The following WSCD1 variants were observed in gnomAD, a reference collection of about 807,000 sequenced individuals.
WSCD1 encodes the protein sialate:O-sulfotransferase 1.
Under a neutral mutation model 60.4 loss-of-function variants are expected in WSCD1, and 41 were observed. That is an observed-to-expected ratio of 0.68 (90% CI 0.53 to 0.88). WSCD1 has a LOEUF of 0.88. Among genes scored for constraint, WSCD1 ranks in the 40% least tolerant of loss-of-function variants. The pLI, the probability that WSCD1 is intolerant of heterozygous loss-of-function variation, is 0.00. For missense variants in WSCD1, 784 were observed against 796.2 expected (o/e 0.98, Z 0.18); for synonymous variants, 361 against 332.5 (o/e 1.09, Z -0.93).
chr17:6,084,072 C>T (rs1306806215), intron 2 of WSCD1, among the ~76,000 whole-genome samples: 3 of 151,788 alleles, frequency 2.0e-5, no homozygotes, highest in South Asian at 2.1e-4. Context: ...TGCCCTGGGC[C>T]GCTGGGGTGC....
chr17:6,099,210 T>C (rs1910639357), intron 5 of WSCD1, among the ~76,000 whole-genome samples: 1 of 152,048 alleles, frequency 6.6e-6, no homozygotes, highest in Admixed American at 6.5e-5. Context: ...ACCATCTCTT[T>C]TCTAACAGAA....
Position 6,122,189 on chromosome 17 carries a change from G to A in WSCD1, c.*1528G>A, listed in dbSNP as rs1207606035. The A allele has an allele frequency of 6.6e-6, 1 of 152,336 alleles. No individual in the cohort carries two copies. The highest frequency in any genetic ancestry group is 1.5e-5 in the Non-Finnish European group (1 of 68,130). The allele number at this position is 152,336 out of a possible 1,614,324, so 9.4% of individuals were successfully genotyped here. On this transcript the variant is annotated 3_prime_UTR_variant, in exon 9 of 9. Transcript: ENST00000317744. ...CTGACCCTCTGCTTCCTAGCCTGAT[G>A]ATGGGGAACCCAGAGCCACCCGCTA...
Position 6,095,240 on chromosome 17 carries a change from A to G in WSCD1, c.849+17A>G, listed in dbSNP as rs1344998913. 6.2e-7 allele frequency: 1 copy of G among 1,610,950 alleles called. No individual in the cohort carries two copies. The highest frequency in any genetic ancestry group is 1.3e-5 in the African/African-American group (1 of 74,828). ...TCCCAGAAAGTAAGACCAAGTGATCATTTCACAACCCTTTCCTTTAAGTGT... is the reference window on the plus strand; with the variant it reads ...TCCCAGAAAGTAAGACCAAGTGATCGTTTCACAACCCTTTCCTTTAAGTGT... On this transcript the variant is annotated intron_variant, in intron 5 of 8. Coordinates refer to ENST00000317744, the MANE Select transcript of WSCD1 (RefSeq NM_015253.2).
intron 8 of WSCD1, among the ~76,000 whole-genome samples, chr17:6,120,049 G>A (rs544807333): frequency 1.3e-5 from 2 of 152,184 alleles, no homozygotes; most frequent in Admixed American, 1.3e-4. Flanking sequence ...CGCTGACTTA[G>A]CTTTATAGGA....
At chr17:6,109,917 A>G in intron 6 of WSCD1, 151 bp downstream of exon 6, 1 of 1,106,606 alleles carries the variant, frequency 9.0e-7, no homozygotes, top group Non-Finnish European at 1.3e-6. Context: ...TGGGTGTTGG[A>G]GATAATGGGG....
At chr17:6,069,388 T>TGC (rs1555525600), upstream of WSCD1, 5 of 378,090 alleles carry the variant, frequency 1.3e-5, no homozygotes, top group African/African-American at 1.2e-4. Context: ...TCCACCTCGG[T>TGC]GCGTGTGTGT....
At chr17:6,093,744 A>G (rs1316751661) in intron 4 of WSCD1, among the ~76,000 whole-genome samples, 1 of 152,204 alleles carries the variant, frequency 6.6e-6, no homozygotes, top group East Asian at 1.9e-4. Flanking sequence ...ATTGTTCCTC[A>G]TGACAACCCT....
intron 8 of WSCD1, among the ~76,000 whole-genome samples, chr17:6,119,616 G>A (rs576555225): frequency 3.3e-5 from 5 of 152,098 alleles, no homozygotes; most frequent in South Asian, 2.1e-4. Flanking sequence ...GACAGCCCCC[G>A]ACAGTCAGGC....
At chr17:6,092,903 G>A (rs1304114782) in intron 4 of WSCD1, among the ~76,000 whole-genome samples, 2 of 152,094 alleles carry the variant, frequency 1.3e-5, no homozygotes, top group East Asian at 3.9e-4. Context: ...GCAGGCTGTG[G>A]AGCCCCCCGT....
intron 4 of WSCD1, among the ~76,000 whole-genome samples, chr17:6,092,660 C>T (rs1395573435): frequency 1.3e-5 from 2 of 152,266 alleles, no homozygotes; most frequent in Non-Finnish European, 2.9e-5. Flanking sequence ...TCTTTGGTTT[C>T]AAACAACATT....
chr17:6,110,999 G>A lies in WSCD1; in HGVS notation c.1174+64G>A, dbSNP rs1357860781. The A allele has an allele frequency of 1.3e-6, 2 of 1,536,434 alleles. No individual in the cohort carries two copies. The highest frequency in any genetic ancestry group is 2.3e-5 in the East Asian group (1 of 43,856). On this transcript the variant is annotated intron_variant, in intron 7 of 8. Coordinates refer to ENST00000317744, the MANE Select transcript of WSCD1 (RefSeq NM_015253.2). The surrounding 1 kb of genome is among the most constrained non-coding windows in gnomAD (Gnocchi z 4.8). ...CGGTGACCAAACTGTCACCTTGCCA[G>A]CCAAGCTTCTCAGAGCACTAGAGCA...
chr17:6,095,190 C>G lies in WSCD1; in HGVS notation c.816C>G (p.Thr272=). 1.9e-6 allele frequency: 3 copies of G among 1,613,588 alleles called. No individual in the cohort carries two copies. The East Asian group carries it at 6.7e-5, about 36-fold the overall frequency. Residue 272 remains threonine (T), a synonymous_variant, in exon 5 of 9, where the codon ACC becomes ACG. Transcript: ENST00000317744. ...FPSSLIQANV[T]VGTCSGFCSQ... ...GCTCCCTGATACAGGCCAATGTGAC[C>G]GTGGGGACTTGCTCGGGCTTTTGTT...
At chr17:6,111,004 G>C in intron 7 of WSCD1, 69 bp downstream of exon 7, 1 of 1,530,130 alleles carries the variant, frequency 6.5e-7, no homozygotes, top group Non-Finnish European at 8.8e-7. Flanking sequence ...TGCCAGCCAA[G>C]CTTCTCAGAG....
chr17:6,069,782 TGTGTGTGTGTGTGTGTGTGC>T (rs767836829), upstream of WSCD1, among the ~76,000 whole-genome samples: 8 of 92,006 alleles, frequency 8.7e-5, no homozygotes, highest in Non-Finnish European at 1.8e-4. Flanking sequence ...CCGGTGTGTG[TGTGTGTGTGTGTGTGTGTGC>T]GTGCGTGTGT....
chr17:6,087,141 A>G (rs528192017), intron 2 of WSCD1, among the ~76,000 whole-genome samples: 1 of 152,134 alleles, frequency 6.6e-6, no homozygotes, highest in African/African-American at 2.4e-5. Context: ...CCTTCAAAAC[A>G]CTGGTGCGCG....
At chr17:6,081,228 G>T in intron 2 of WSCD1, 143 bp downstream of exon 2, 1 of 1,053,598 alleles carries the variant, frequency 9.5e-7, no homozygotes, top group African/African-American at 1.6e-5. Context: ...ACAGGAAGGG[G>T]CCTGCGATGC....
intron 7 of WSCD1, among the ~76,000 whole-genome samples, chr17:6,115,597 CT>C (rs966178998): frequency 2.7e-5 from 4 of 150,564 alleles, no homozygotes; most frequent in South Asian, 2.1e-4. Context: ...CTTTTCTTTT[CT>C]TTTTTTTTGA....
chr17:6,076,725 T>C (rs1030145286), intron 1 of WSCD1, among the ~76,000 whole-genome samples: 2 of 152,230 alleles, frequency 1.3e-5, no homozygotes, highest in Admixed American at 1.3e-4. Context: ...GTAGTGGGTA[T>C]AGCTGATGGC....
Position 6,118,011 on chromosome 17 carries a change from T to C in WSCD1, c.1198T>C (p.Trp400Arg), listed in dbSNP as rs773168737. 2 of 1,613,976 alleles carry C rather than the reference T, an allele frequency of 1.2e-6. No homozygotes were observed. The highest frequency in any genetic ancestry group is 1.7e-6 in the Non-Finnish European group (2 of 1,180,034). The change falls in exon 8 of 9, where the codon TGG becomes CGG. Residue 400 changes from tryptophan to arginine, a missense_variant. Trp to Arg is a moderately radical substitution (Grantham distance 101). Transcript: ENST00000317744. This position sits in a 1 kb window ranked among gnomAD's most constrained non-coding sequence, Gnocchi z 5.8. ...AGGGTTCAAGGGCGAAAAGGACCACTGGCGGAGCCGACGCACCATCTGTGT... is the reference window on the plus strand; with the variant it reads ...AGGGTTCAAGGGCGAAAAGGACCACCGGCGGAGCCGACGCACCATCTGTGT... ...NKGFKGEKDH[W>R]RSRRTICVKT...
Sources: allele counts gnomAD v4.1 joint callset (sites outside exome capture counted in the v4.1 genomes callset), GRCh38; gene constraint gnomAD v4.1.1; non-coding constraint Gnocchi (gnomAD v3.1); transcripts MANE v1.5; gene names NCBI Gene and HGNC (gene_info 2026-07-23, HGNC 2026-07-21).